SYT9: variants seen among roughly 807,000 people sequenced by gnomAD.
The protein encoded by SYT9 is synaptotagmin-9.
In SYT9, 22 loss-of-function variants were observed where a neutral mutation model predicts 48.4. The observed-to-expected ratio is 0.45, with a 90% CI of 0.32 to 0.65. The LOEUF (loss-of-function observed/expected upper bound fraction) is 0.65. Among genes scored for constraint, SYT9 ranks in the 30% least tolerant of loss-of-function variants. The probability of loss-of-function intolerance (pLI) is 0.03; values close to 1 mark genes in which losing one functional copy is unlikely to be tolerated. For synonymous variants in SYT9, 265 were observed against 245.0 expected (o/e 1.08, Z -0.76); for missense variants, 577 against 622.0 (o/e 0.93, Z 0.77).
intron 6 of SYT9, among the ~76,000 whole-genome samples, chr11:7,464,185 A>T (rs769607218): frequency 6.8e-4 from 103 of 152,314 alleles, no homozygotes; most frequent in Admixed American, 1.5e-3. Context: ...GGCAAACAAG[A>T]TACATATGCA....
chr11:7,258,814 A>C (rs571893504), intron 1 of SYT9, among the ~76,000 whole-genome samples: 2 of 152,262 alleles, frequency 1.3e-5, no homozygotes, highest in African/African-American at 4.8e-5. Flanking sequence ...CGTGGTCCAC[A>C]AACATGTATA....
chr11:7,435,987 GA>G (rs11385889), intron 6 of SYT9: 2,835 of 144,880 alleles, frequency 0.02, 39 homozygotes, highest in South Asian at 0.053. Flanking sequence ...TCTAGAAAAA[GA>G]AAAAAAAAAA....
chr11:7,262,609 C>G (rs1045616150), intron 1 of SYT9, among the ~76,000 whole-genome samples: 1 of 151,932 alleles, frequency 6.6e-6, no homozygotes, highest in Non-Finnish European at 1.5e-5. Context: ...TGACCTGGAA[C>G]CCAGGATGAA....
intron 3 of SYT9, among the ~76,000 whole-genome samples, chr11:7,315,444 T>A (rs1316164667): frequency 2.0e-5 from 3 of 152,222 alleles, no homozygotes; most frequent in Non-Finnish European, 2.9e-5. Flanking sequence ...GCTGAGACAC[T>A]GCCAGCTGCA....
chr11:7,253,610 T>G (rs1397647807), intron 1 of SYT9, among the ~76,000 whole-genome samples: 1 of 152,180 alleles, frequency 6.6e-6, no homozygotes, highest in African/African-American at 2.4e-5. Context: ...AAAAAAATAT[T>G]GTTTTCCATT....
At chr11:7,279,029 G>A (rs1848447008) in intron 1 of SYT9, among the ~76,000 whole-genome samples, 1 of 152,210 alleles carries the variant, frequency 6.6e-6, no homozygotes, top group African/African-American at 2.4e-5. Flanking sequence ...CTCTGCCTAG[G>A]GAGAGGGAGT....
chr11:7,383,067 G>A (rs188142592), intron 3 of SYT9, among the ~76,000 whole-genome samples: 4 of 152,206 alleles, frequency 2.6e-5, no homozygotes, highest in African/African-American at 4.8e-5. Context: ...ATCTTGTCAT[G>A]TCTGGGGAAA....
intron 3 of SYT9, among the ~76,000 whole-genome samples, chr11:7,381,872 A>T (rs137969856): frequency 6.6e-6 from 1 of 152,210 alleles, no homozygotes; most frequent in Admixed American, 6.5e-5. Context: ...GCAGCTTCCT[A>T]CGTGGTGGAT....
chr11:7,249,944 C>T (rs562440502), upstream of SYT9, among the ~76,000 whole-genome samples: 7 of 152,330 alleles, frequency 4.6e-5, no homozygotes, highest in African/African-American at 1.7e-4. Context: ...AACACTCCTC[C>T]TCCCGTGATC....
chr11:7,382,586 T>C (rs928571759), intron 3 of SYT9, among the ~76,000 whole-genome samples: 3 of 152,198 alleles, frequency 2.0e-5, no homozygotes, highest in African/African-American at 4.8e-5. Context: ...CTATGGTGCA[T>C]GGAAGAGATA....
chr11:7,340,815 G>A (rs1257144214), intron 3 of SYT9, among the ~76,000 whole-genome samples: 1 of 152,200 alleles, frequency 6.6e-6, no homozygotes, highest in Non-Finnish European at 1.5e-5. Flanking sequence ...TAGCCCCAGT[G>A]GGGAATAGTG....
rs540110422 is a variant in SYT9, at chr11:7,239,307, C to G, written c.49+391C>G. 3.3e-5 allele frequency among the ~76,000 whole-genome samples: 5 copies of G among 152,254 alleles called. No individual in the cohort carries two copies. The East Asian group carries it at 9.6e-4, about 29-fold the overall frequency. On this transcript the variant is annotated intron_variant and NMD_transcript_variant, in intron 1 of 8. Coordinates refer to the SYT9 transcript ENST00000524820. ...CTCCACTGTTCTAGAGCACTCAAGC[C>G]TGGGTCTTTCCCTGGGTGTTTCATC...
intron 1 of SYT9, among the ~76,000 whole-genome samples, chr11:7,276,497 A>G (rs568319870): frequency 1.8e-4 from 28 of 152,296 alleles, no homozygotes; most frequent in South Asian, 1.2e-3. Context: ...ATGACACGTG[A>G]GAATATGGTG....
intron 3 of SYT9, among the ~76,000 whole-genome samples, chr11:7,396,515 A>G (rs1384284916): frequency 6.6e-6 from 1 of 152,130 alleles, no homozygotes; most frequent in Non-Finnish European, 1.5e-5. Context: ...TCCCCAGTTG[A>G]TAGACATCTA....
chr11:7,353,225 G>A (rs2134005893), intron 3 of SYT9, among the ~76,000 whole-genome samples: 1 of 152,152 alleles, frequency 6.6e-6, no homozygotes, highest in Non-Finnish European at 1.5e-5. Context: ...GAGGAACGGG[G>A]TTTTTTTCTT....
intron 3 of SYT9, among the ~76,000 whole-genome samples, chr11:7,323,639 T>C (rs1245030064): frequency 6.6e-6 from 1 of 152,070 alleles, no homozygotes; most frequent in African/African-American, 2.4e-5. Context: ...TGATTTTCTG[T>C]ATCTATTGAG....
chr11:7,422,504 C>G (rs1401860399), intron 6 of SYT9, among the ~76,000 whole-genome samples: 4 of 152,188 alleles, frequency 2.6e-5, no homozygotes, highest in Non-Finnish European at 5.9e-5. Flanking sequence ...TCAAAGGAGT[C>G]CATCTGTGGG....
At chr11:7,386,679 A>T (rs1265395512) in intron 3 of SYT9, among the ~76,000 whole-genome samples, 1 of 152,140 alleles carries the variant, frequency 6.6e-6, no homozygotes, top group East Asian at 1.9e-4. Flanking sequence ...GAGAAATAGG[A>T]ACACTTTTAC....
chr11:7,367,813 C>G (rs1455142994), intron 3 of SYT9, among the ~76,000 whole-genome samples: 1 of 152,136 alleles, frequency 6.6e-6, no homozygotes, highest in Non-Finnish European at 1.5e-5. Flanking sequence ...CAACCCACAC[C>G]CTCATTCCTG....
Sources: allele counts gnomAD v4.1 joint callset (sites outside exome capture counted in the v4.1 genomes callset), GRCh38; gene constraint gnomAD v4.1.1; transcripts MANE v1.5; gene names NCBI Gene and HGNC (gene_info 2026-07-23, HGNC 2026-07-21).